Variants in HMGN5 observed in about 807,000 individuals in gnomAD.
HMGN5 encodes high mobility group nucleosome binding domain 5.
A neutral mutation model predicts 9.5 loss-of-function variants in HMGN5; 4 were observed. That is an observed-to-expected ratio of 0.42 (90% confidence interval 0.21 to 0.96). The LOEUF is 0.96. HMGN5 is among the 40% of genes least tolerant of loss of function. The pLI is 0.30. For synonymous variants in HMGN5, 55 were observed against 57.1 expected (o/e 0.96, Z 0.16); for missense variants, 192 against 187.5 (o/e 1.02, Z -0.14).
intron 1 of HMGN5, among the ~76,000 whole-genome samples, chrX:81,184,100 G>T (rs2075470558): frequency 9.0e-6 from 1 of 111,118 alleles, no homozygotes; most frequent in Non-Finnish European, 1.9e-5. Flanking sequence ...ATATGGTTTG[G>T]ATCTTTGTCT....
At chrX:81,159,420 G>T (rs1010497876) in intron 1 of HMGN5, among the ~76,000 whole-genome samples, 2 of 111,218 alleles carry the variant, frequency 1.8e-5, no homozygotes, top group African/African-American at 3.3e-5. Flanking sequence ...AAAAAGAAAA[G>T]TCTGCACAAA....
intron 1 of HMGN5, among the ~76,000 whole-genome samples, chrX:81,185,369 T>C (rs1298742640): frequency 9.0e-6 from 1 of 111,659 alleles, no homozygotes; most frequent in African/African-American, 3.2e-5. Context: ...TTATTTTATT[T>C]GTAGCTACTG....
chrX:81,182,386 C>T (rs142041254), intron 1 of HMGN5, among the ~76,000 whole-genome samples: 1,305 of 111,700 alleles, frequency 0.012, 23 homozygotes, highest in African/African-American at 0.041. Context: ...TTCTGTGTCC[C>T]CACCCAAATC....
At position 81,121,582 on chromosome X, in the gene HMGN5, C is replaced by A. The variant is rs746535291; in HGVS notation, c.-33G>T. On this transcript the variant is annotated 5_prime_UTR_variant, in exon 2 of 7. Transcript: ENST00000358130. The stretch of plus-strand genomic sequence containing the variant: ...GCTCTCTATAGGAGATCTTAGTCAG[C>A]AGAAAAAAAGCCGAAGGCAGTCACT... The A allele has an allele frequency of 8.7e-7, 1 of 1,145,970 alleles. No individual in the cohort carries two copies. Among genetic ancestry groups the A allele is most frequent in the South Asian group, 2.0e-5 (1 of 49,084 alleles). The allele number at this position is 1,145,970 out of a possible 1,213,427, so 94.4% of individuals were successfully genotyped here.
intron 1 of HMGN5, among the ~76,000 whole-genome samples, chrX:81,148,165 G>A (rs1224219509): frequency 1.8e-5 from 2 of 111,816 alleles, no homozygotes; most frequent in African/African-American, 6.5e-5. Context: ...AAAAGAACCT[G>A]CATAGCCAAG....
At chrX:81,178,659 C>A (rs1274002027) in intron 1 of HMGN5, among the ~76,000 whole-genome samples, 3 of 111,761 alleles carry the variant, frequency 2.7e-5, no homozygotes, top group Non-Finnish European at 5.6e-5. Flanking sequence ...TGAAACTATT[C>A]CAATCAATAG....
chrX:81,139,712 C>T lies in HMGN5; in HGVS notation c.-123-18040G>A, dbSNP rs904119000. On this transcript the variant is annotated intron_variant, in intron 1 of 6. Transcript: ENST00000358130. ...GAGGAAGAGTACAGCAACAGTGAGG[C>T]ACTGAACTCAGTGCTATTCCGTTAT... Among the ~76,000 whole-genome samples the T allele has an allele frequency of 2.7e-5, 3 of 111,545 alleles. No individual in the cohort carries two copies. In the Admixed American group the frequency reaches 2.9e-4, roughly 11 times the overall value.
At chrX:81,119,309 C>T (rs976655533) in intron 3 of HMGN5, among the ~76,000 whole-genome samples, 1 of 111,569 alleles carries the variant, frequency 9.0e-6, no homozygotes, top group Non-Finnish European at 1.9e-5. Flanking sequence ...CAATGATTCT[C>T]GCTTTGTAGG....
chrX:81,153,188 G>A (rs1487504199), intron 1 of HMGN5, among the ~76,000 whole-genome samples: 1 of 107,712 alleles, frequency 9.3e-6, no homozygotes, highest in Admixed American at 1.0e-4. Flanking sequence ...AAAACTATAG[G>A]CCAATATCTC....
At chrX:81,198,958 T>C (rs976858425) in intron 1 of HMGN5, among the ~76,000 whole-genome samples, 2 of 111,991 alleles carry the variant, frequency 1.8e-5, no homozygotes, top group African/African-American at 3.2e-5. Context: ...GCACATGACA[T>C]GATTGTATAC....
chrX:81,152,193 C>T (rs2147562968), intron 1 of HMGN5, among the ~76,000 whole-genome samples: 1 of 111,787 alleles, frequency 8.9e-6, no homozygotes, highest in East Asian at 2.8e-4. Flanking sequence ...AAACTACCAT[C>T]AGAGTGGACA....
chrX:81,177,886 A>G lies in HMGN5; in HGVS notation c.-124+23851T>C, dbSNP rs772319355. Among the ~76,000 whole-genome samples the G allele has an allele frequency of 8.0e-5, 9 of 112,286 alleles. No homozygotes were observed. The East Asian group carries it at 2.2e-3, about 28-fold the overall frequency. Reference sequence around the variant, plus strand: ...TGTCTCTCAGACCACAGTGCAAGCAAATTAGAACTCACGATTAAGAAACTC... The same window carrying G: ...TGTCTCTCAGACCACAGTGCAAGCAGATTAGAACTCACGATTAAGAAACTC... On this transcript the variant is annotated intron_variant, in intron 1 of 6. Coordinates refer to ENST00000358130, the MANE Select transcript of HMGN5 (RefSeq NM_030763.3).
chrX:81,128,044 A>G (rs1200999694), intron 1 of HMGN5, among the ~76,000 whole-genome samples: 7 of 110,491 alleles, frequency 6.3e-5, no homozygotes, highest in Non-Finnish European at 1.3e-4. Context: ...CATCATATAT[A>G]TGTGTGTGTG....
intron 1 of HMGN5, among the ~76,000 whole-genome samples, chrX:81,140,709 C>T (rs996958676): frequency 1.8e-5 from 2 of 111,240 alleles, no homozygotes; most frequent in Non-Finnish European, 3.8e-5. Context: ...TTTCTGCCTT[C>T]AGGTGAGATT....
At position 81,115,239 on chromosome X, in the gene HMGN5, A is replaced by T. The variant is rs376593790; in HGVS notation, c.268-9T>A. 8.8e-6 allele frequency: 10 copies of T among 1,138,026 alleles called. No individual in the cohort carries two copies. The highest frequency in any genetic ancestry group is 1.2e-5 in the Non-Finnish European group (10 of 865,834). The allele number at this position is 1,138,026 out of a possible 1,213,427, so 93.8% of individuals were successfully genotyped here. A position where few individuals can be genotyped will look rare whatever the true frequency, so the allele number is the denominator to read the frequency against. ...TTTTCAGAAGCTGGTGCCTGTAAGT[A>T]TAGTGAAAAGAAAAACAAGATTCTG... On this transcript the variant is annotated splice_polypyrimidine_tract_variant and intron_variant, in intron 6 of 6. Coordinates refer to ENST00000358130, the MANE Select transcript of HMGN5 (RefSeq NM_030763.3).
Position 81,114,597 on chromosome X carries a change from T to C in HMGN5, c.*52A>G. ...GATAAAAATATTTATCTCTATTAACTTTACAACATGAAGGTACATGTTACC... is the reference window on the plus strand; with the variant it reads ...GATAAAAATATTTATCTCTATTAACCTTACAACATGAAGGTACATGTTACC... On this transcript the variant is annotated 3_prime_UTR_variant, in exon 7 of 7. Transcript: ENST00000358130. The C allele has an allele frequency of 9.8e-7, 1 of 1,018,261 alleles. No individual in the cohort carries two copies. 83.9% of individuals were successfully genotyped at this position (1,018,261 alleles called of 1,213,427 possible). A position where few individuals can be genotyped will look rare whatever the true frequency, so the allele number is the denominator to read the frequency against.
chrX:81,132,897 A>C (rs2075301622), intron 1 of HMGN5, among the ~76,000 whole-genome samples: 1 of 111,227 alleles, frequency 9.0e-6, no homozygotes, highest in Non-Finnish European at 1.9e-5. Context: ...TAAACAAACA[A>C]ACACCACCAA....
chrX:81,169,345 G>T (rs1033636677), intron 1 of HMGN5, among the ~76,000 whole-genome samples: 4 of 111,494 alleles, frequency 3.6e-5, no homozygotes, highest in African/African-American at 6.5e-5. Flanking sequence ...GATATAGACT[G>T]TAACATGTAC....
At chrX:81,149,337 A>G (rs992596636) in intron 1 of HMGN5, among the ~76,000 whole-genome samples, 6 of 111,539 alleles carry the variant, frequency 5.4e-5, no homozygotes, top group Non-Finnish European at 1.1e-4. Context: ...AGGGACATGG[A>G]TGAAGCTGGA....
Sources: gnomAD v4.1 joint callset for allele counts (sites outside exome capture counted in the v4.1 genomes callset) on GRCh38, gnomAD v4.1.1 for gene constraint, MANE v1.5 for transcripts, NCBI Gene and HGNC (gene_info 2026-07-23, HGNC 2026-07-21) for gene names.